GALNT13: variants seen among roughly 807,000 people sequenced by gnomAD.
GALNT13 encodes the protein UDP-GalNAc:polypeptide N-acetylgalactosaminyltransferase 13.
In GALNT13, 28 loss-of-function variants were observed where a neutral mutation model predicts 64.2. The ratio of observed to expected loss-of-function variants is 0.44; its 90% CI spans 0.32 to 0.60. The LOEUF (loss-of-function observed/expected upper bound fraction) is 0.60, where lower values mean the gene tolerates loss of function less well. Ranked by LOEUF, GALNT13 falls within the 20% of genes least tolerant of loss-of-function variation. GALNT13 has a pLI of 0.05. For missense variants in GALNT13, 577 were observed against 669.8 expected, an observed-to-expected ratio of 0.86 and a Z score of 1.53; for synonymous variants, 214 against 224.6, an observed-to-expected ratio of 0.95 and a Z score of 0.42.
At chr2:153,390,469 A>C in the GALNT13 span, among the ~76,000 whole-genome samples, 2 of 152,108 alleles carry the variant, frequency 1.3e-5, no homozygotes, top group Non-Finnish European at 2.9e-5. Flanking sequence ...AAACAAAAAA[A>C]AGAATAGTGT....
the GALNT13 span, among the ~76,000 whole-genome samples, chr2:153,116,103 C>A: frequency 6.6e-6 from 1 of 151,972 alleles, no homozygotes; most frequent in Non-Finnish European, 1.5e-5. Context: ...ATATAAAGGA[C>A]AAGGAGATTT....
At chr2:153,388,967 A>C in the GALNT13 span, among the ~76,000 whole-genome samples, 2 of 152,116 alleles carry the variant, frequency 1.3e-5, no homozygotes, top group Non-Finnish European at 2.9e-5. Context: ...TAGGGCTAAC[A>C]GCCATTTCCT....
the GALNT13 span, among the ~76,000 whole-genome samples, chr2:153,854,251 TTAAGA>T: frequency 3.3e-5 from 5 of 151,454 alleles, no homozygotes; most frequent in Non-Finnish European, 7.4e-5. Flanking sequence ...TCCGAAATAA[TTAAGA>T]TATTTTATAT....
At chr2:154,398,554 T>G (rs1699157761) in intron 10 of GALNT13, among the ~76,000 whole-genome samples, 1 of 152,222 alleles carries the variant, frequency 6.6e-6, no homozygotes, top group African/African-American at 2.4e-5. Context: ...GTAGAAATAC[T>G]TTAGGAAAAG....
intron 9 of GALNT13, among the ~76,000 whole-genome samples, chr2:154,365,409 G>A (rs1273411296): frequency 6.6e-6 from 1 of 152,064 alleles, no homozygotes; most frequent in Non-Finnish European, 1.5e-5. Context: ...TTTATAAATT[G>A]CCAATATTTT....
the GALNT13 span, among the ~76,000 whole-genome samples, chr2:153,827,761 C>A: frequency 2.7e-4 from 41 of 152,074 alleles, no homozygotes; most frequent in Admixed American, 2.7e-3. Flanking sequence ...AGTCTTAACT[C>A]ATTTCAGCAT....
the GALNT13 span, among the ~76,000 whole-genome samples, chr2:153,799,822 C>T: frequency 3.9e-5 from 6 of 151,988 alleles, no homozygotes; most frequent in African/African-American, 7.2e-5. Context: ...ACCATAGGGC[C>T]CGGTCATTCA....
the GALNT13 span, among the ~76,000 whole-genome samples, chr2:153,694,307 C>G: frequency 3.9e-5 from 6 of 152,030 alleles, no homozygotes; most frequent in Non-Finnish European, 7.4e-5. Context: ...ATCCATGGAT[C>G]TATGTTCATT....
At chr2:153,436,572 C>G in the GALNT13 span, among the ~76,000 whole-genome samples, 38 of 152,234 alleles carry the variant, frequency 2.5e-4, no homozygotes, top group South Asian at 7.9e-3. Context: ...TGTATGTGTA[C>G]AGGAATTTAT....
At chr2:154,300,177 A>G (rs1693357125) in intron 8 of GALNT13, among the ~76,000 whole-genome samples, 1 of 136,414 alleles carries the variant, frequency 7.3e-6, no homozygotes, top group African/African-American at 2.8e-5. Context: ...ATCTCGGCTC[A>G]CTGCAACCTC....
chr2:153,786,300 G>A, the GALNT13 span, among the ~76,000 whole-genome samples: 4 of 152,126 alleles, frequency 2.6e-5, no homozygotes, highest in African/African-American at 7.2e-5. Context: ...AACAAAGTGC[G>A]TAGTCACTAC....
the GALNT13 span, among the ~76,000 whole-genome samples, chr2:153,138,727 T>C: frequency 9.0e-3 from 1,363 of 152,222 alleles, 16 homozygotes; most frequent in African/African-American, 0.031. Flanking sequence ...TGAAATATCT[T>C]CTTCTCCCTT....
the GALNT13 span, among the ~76,000 whole-genome samples, chr2:153,081,195 T>G: frequency 2.9e-4 from 44 of 152,018 alleles, no homozygotes; most frequent in Non-Finnish European, 6.2e-4. Context: ...TTGATACATA[T>G]CTCCTTTTCT....
At chr2:153,190,977 G>T in the GALNT13 span, among the ~76,000 whole-genome samples, 1 of 149,886 alleles carries the variant, frequency 6.7e-6, no homozygotes, top group Non-Finnish European at 1.5e-5. Context: ...TTTTTTTAAG[G>T]TCTTTTGGTT....
chr2:153,278,157 T>C, the GALNT13 span, among the ~76,000 whole-genome samples: 1 of 151,900 alleles, frequency 6.6e-6, no homozygotes. Context: ...ATGGTCTCAA[T>C]CTCCTGACCT....
At chr2:153,916,425 G>A (rs1689351813) in intron 2 of GALNT13, among the ~76,000 whole-genome samples, 1 of 152,042 alleles carries the variant, frequency 6.6e-6, no homozygotes, top group Non-Finnish European at 1.5e-5. Context: ...CCAAACTGCT[G>A]GGATTACAGG....
the GALNT13 span, among the ~76,000 whole-genome samples, chr2:153,454,029 AT>A: frequency 1.3e-5 from 2 of 152,328 alleles, no homozygotes; most frequent in South Asian, 2.1e-4. Context: ...TAATAAAAAA[AT>A]ACCACATGTT....
At chr2:153,710,772 T>G in the GALNT13 span, among the ~76,000 whole-genome samples, 3 of 152,072 alleles carry the variant, frequency 2.0e-5, no homozygotes, top group African/African-American at 7.2e-5. Context: ...CATTGGGAAC[T>G]ATTTAACTGA....
the GALNT13 span, among the ~76,000 whole-genome samples, chr2:153,487,389 C>T: frequency 6.6e-6 from 1 of 152,218 alleles, no homozygotes; most frequent in Admixed American, 6.5e-5. Flanking sequence ...CATCACTCTG[C>T]TCAATTTCCT....
Sources: gnomAD v4.1 joint callset for allele counts (sites outside exome capture counted in the v4.1 genomes callset) on GRCh38, gnomAD v4.1.1 for gene constraint, MANE v1.5 for transcripts, NCBI Gene and HGNC (gene_info 2026-07-23, HGNC 2026-07-21) for gene names.